Variants in TEX36 observed in about 807,000 individuals in gnomAD.
TEX36 encodes the protein testis expressed 36.
In TEX36, 12 loss-of-function variants were observed where a neutral mutation model predicts 13.6. The observed-to-expected ratio is 0.88, with a 90% CI of 0.56 to 1.43. The LOEUF is 1.43. Ranked by LOEUF, TEX36 falls within the 40% of genes most tolerant of loss-of-function variation. The probability of loss-of-function intolerance (pLI) is 0.00; values close to 1 mark genes in which losing one functional copy is unlikely to be tolerated. For missense variants in TEX36, 224 were observed against 228.3 expected (o/e 0.98, Z 0.12); for synonymous variants, 93 against 83.0 (o/e 1.12, Z -0.65).
At chr10:125,590,838 G>T (rs912761051) in intron 3 of TEX36, among the ~76,000 whole-genome samples, 2 of 152,164 alleles carry the variant, frequency 1.3e-5, no homozygotes, top group Non-Finnish European at 2.9e-5. Context: ...TCTATATATA[G>T]ATATAGATAT....
chr10:125,640,937 C>G (rs948351873), intron 3 of TEX36, among the ~76,000 whole-genome samples: 1 of 152,018 alleles, frequency 6.6e-6, no homozygotes, highest in African/African-American at 2.4e-5. Flanking sequence ...GTTAGCTCAT[C>G]ATTTCAACCC....
intron 3 of TEX36, among the ~76,000 whole-genome samples, chr10:125,601,855 C>T (rs1323493688): frequency 1.3e-5 from 2 of 152,220 alleles, no homozygotes; most frequent in East Asian, 3.8e-4. Context: ...GTGGTAGACA[C>T]TTGGCAAGCC....
chr10:125,641,554 C>T (rs920476384), intron 3 of TEX36, among the ~76,000 whole-genome samples: 6 of 152,288 alleles, frequency 3.9e-5, no homozygotes, highest in South Asian at 2.1e-4. Flanking sequence ...TTATTGCCCT[C>T]GGGTGTTATT....
In TEX36 at chr10:125,661,856, A is replaced by T; in HGVS notation, c.173T>A (p.Val58Asp). The T allele has an allele frequency of 6.4e-7, 1 of 1,551,818 alleles. No homozygotes were observed. The highest frequency in any genetic ancestry group is 8.7e-7 in the Non-Finnish European group (1 of 1,147,016). ...GTGTTCAGGACTCACCTTCTCCCGG[A>T]CTTTGTATATGGGCGGCAGCTTCCC... ...AEGKLPPIYK[V>D]REKQAVNNQF... The change falls in exon 2 of 4, where the codon GTC (valine) becomes GAC (aspartate). Residue 58 changes from valine to aspartate, a missense_variant. Transcript: ENST00000368821.
At chr10:125,587,835 C>T (rs1180372880) in intron 3 of TEX36, among the ~76,000 whole-genome samples, 1 of 148,718 alleles carries the variant, frequency 6.7e-6, no homozygotes, top group Non-Finnish European at 1.5e-5. Flanking sequence ...GAAGCAGACA[C>T]ACACACACAT....
At chr10:125,606,018 G>T (rs1198617614) in intron 3 of TEX36, among the ~76,000 whole-genome samples, 1 of 152,146 alleles carries the variant, frequency 6.6e-6, no homozygotes, top group African/African-American at 2.4e-5. Context: ...CATCTACCGA[G>T]CTTTTATTTA....
At chr10:125,592,242 A>G (rs1440958650) in intron 3 of TEX36, among the ~76,000 whole-genome samples, 1 of 152,124 alleles carries the variant, frequency 6.6e-6, no homozygotes, top group Admixed American at 6.5e-5. Flanking sequence ...GGCATGAGGA[A>G]AGCGAGGCTG....
intron 3 of TEX36, among the ~76,000 whole-genome samples, chr10:125,631,279 G>C (rs539422544): frequency 2.4e-4 from 37 of 152,192 alleles, no homozygotes; most frequent in African/African-American, 8.4e-4. Context: ...TTTTTTAAAT[G>C]AGTATTTTGA....
At chr10:125,633,561 G>A (rs941853286) in intron 3 of TEX36, among the ~76,000 whole-genome samples, 2 of 152,218 alleles carry the variant, frequency 1.3e-5, no homozygotes, top group Non-Finnish European at 2.9e-5. Context: ...CAAAGGTTCT[G>A]ATAGCGATTG....
intron 3 of TEX36, among the ~76,000 whole-genome samples, chr10:125,648,397 G>A (rs1252309193): frequency 2.6e-5 from 4 of 152,200 alleles, no homozygotes; most frequent in African/African-American, 4.8e-5. Flanking sequence ...AACAGCATCC[G>A]GAGTGAACCT....
intron 3 of TEX36, among the ~76,000 whole-genome samples, chr10:125,595,701 A>T (rs899857265): frequency 1.3e-5 from 2 of 151,508 alleles, no homozygotes; most frequent in Non-Finnish European, 2.9e-5. Flanking sequence ...CACATGGCTC[A>T]CTCCCGCCTT....
At chr10:125,673,072 CTT>C (rs1246523375) in intron 1 of TEX36, among the ~76,000 whole-genome samples, 2 of 152,184 alleles carry the variant, frequency 1.3e-5, no homozygotes, top group Non-Finnish European at 2.9e-5. Flanking sequence ...GGTCTTGACT[CTT>C]TATCCAGCTG....
chr10:125,599,687 A>C (rs1846122226), intron 3 of TEX36, among the ~76,000 whole-genome samples: 1 of 152,200 alleles, frequency 6.6e-6, no homozygotes, highest in South Asian at 2.1e-4. Flanking sequence ...ACTGGCAAAA[A>C]AATCTGTGAT....
chr10:125,625,487 T>C (rs996086339), intron 3 of TEX36, among the ~76,000 whole-genome samples: 2 of 152,188 alleles, frequency 1.3e-5, no homozygotes, highest in Non-Finnish European at 2.9e-5. Context: ...AGTCTAAAAA[T>C]GTTAGTTTCC....
At chr10:125,645,851 G>A (rs1846760901) in intron 3 of TEX36, among the ~76,000 whole-genome samples, 1 of 152,046 alleles carries the variant, frequency 6.6e-6, no homozygotes, top group Non-Finnish European at 1.5e-5. Context: ...TCAAATACAT[G>A]TGAAACAGTG....
At chr10:125,655,589 T>C, downstream of TEX36, 1 of 793,650 alleles carries the variant, frequency 1.3e-6, no homozygotes, top group Non-Finnish European at 1.6e-6. Context: ...GGATTGGAGA[T>C]GTGGTGAAAT....
At chr10:125,666,904 A>G in intron 1 of TEX36, 1 of 465,674 alleles carries the variant, frequency 2.1e-6, no homozygotes, top group Non-Finnish European at 3.9e-6. Context: ...ATGAAGAGGG[A>G]CTCTCTAGCA....
chr10:125,576,826 C>T lies in TEX36; in HGVS notation c.313G>A (p.Glu105Lys), dbSNP rs1360967505. The change falls in exon 4 of 4, where the codon GAG becomes AAG. Residue 105 changes from glutamate to lysine, a missense_variant. Coordinates refer to the TEX36 transcript ENST00000532135. Reference sequence around the variant, plus strand: ...TGGGTCCTCACCGGCTCATAGAACTCTTGTCTCTTGTCTGGTTCTCCCTGT... The same window carrying T: ...TGGGTCCTCACCGGCTCATAGAACTTTTGTCTCTTGTCTGGTTCTCCCTGT... 2.6e-6 allele frequency: 4 copies of T among 1,536,028 alleles called. No homozygotes were observed. The East Asian group carries it at 7.3e-5, about 28-fold the overall frequency.
At chr10:125,596,264 GC>G in intron 3 of TEX36, among the ~76,000 whole-genome samples, 1 of 152,140 alleles carries the variant, frequency 6.6e-6, no homozygotes, top group East Asian at 1.9e-4. Flanking sequence ...ATCAAGATGG[GC>G]CCATAAAATC....
Sources: allele counts gnomAD v4.1 joint callset (sites outside exome capture counted in the v4.1 genomes callset), GRCh38; gene constraint gnomAD v4.1.1; transcripts MANE v1.5; gene names NCBI Gene and HGNC (gene_info 2026-07-23, HGNC 2026-07-21).